KIF26B: variants seen among roughly 807,000 people sequenced by gnomAD.
KIF26B encodes kinesin-like protein KIF26B.
A neutral mutation model predicts 151.2 loss-of-function variants in KIF26B; 63 were observed. The observed-to-expected ratio is 0.42, with a 90% CI of 0.34 to 0.51. The LOEUF (loss-of-function observed/expected upper bound fraction) is 0.51. Among genes scored for constraint, KIF26B ranks in the 20% least tolerant of loss-of-function variants. The probability of loss-of-function intolerance (pLI) is 0.07; values close to 1 mark genes in which losing one functional copy is unlikely to be tolerated. For synonymous variants in KIF26B, 1,357 were observed against 1,262.1 expected, an observed-to-expected ratio of 1.08 and a Z score of -1.59; for missense variants, 2,813 against 2,913.6, an observed-to-expected ratio of 0.97 and a Z score of 0.79.
intron 2 of KIF26B, among the ~76,000 whole-genome samples, chr1:245,238,453 T>A (rs913553648): frequency 6.6e-6 from 1 of 152,108 alleles, no homozygotes; most frequent in Admixed American, 6.5e-5. Context: ...TTTCAAATTT[T>A]CCATATCGTG....
At chr1:245,569,724 G>A (rs189192044) in intron 5 of KIF26B, among the ~76,000 whole-genome samples, 1 of 152,066 alleles carries the variant, frequency 6.6e-6, no homozygotes, top group Non-Finnish European at 1.5e-5. Context: ...TCCAGGAGGT[G>A]GAGGTTTCAG....
intron 4 of KIF26B, among the ~76,000 whole-genome samples, chr1:245,529,390 C>T (rs1661310802): frequency 6.6e-6 from 1 of 152,188 alleles, no homozygotes; most frequent in South Asian, 2.1e-4. Context: ...TTATCAGAAA[C>T]AGAGGCAGAG....
At chr1:245,440,577 G>C (rs1410400227) in intron 4 of KIF26B, among the ~76,000 whole-genome samples, 1 of 152,172 alleles carries the variant, frequency 6.6e-6, no homozygotes, top group African/African-American at 2.4e-5. Context: ...GTGTTCGGGA[G>C]CAGATCCCCA....
intron 4 of KIF26B, among the ~76,000 whole-genome samples, chr1:245,482,309 C>T (rs917138374): frequency 2.6e-5 from 4 of 151,548 alleles, no homozygotes; most frequent in Admixed American, 6.6e-5. Flanking sequence ...AAGGTGGTCT[C>T]GAACTCCTGA....
chr1:245,615,795 C>T (rs1458450815), intron 9 of KIF26B, among the ~76,000 whole-genome samples: 2 of 152,220 alleles, frequency 1.3e-5, no homozygotes, highest in African/African-American at 4.8e-5. Context: ...GGGAAAGGAT[C>T]CCGGCCAGAA....
At chr1:245,481,054 T>C (rs1164150847) in intron 4 of KIF26B, among the ~76,000 whole-genome samples, 1 of 151,896 alleles carries the variant, frequency 6.6e-6, no homozygotes, top group East Asian at 1.9e-4. Context: ...CCTTGTAATA[T>C]GCCAGGCACT....
At chr1:245,273,621 C>G (rs139131547) in intron 2 of KIF26B, among the ~76,000 whole-genome samples, 1 of 152,088 alleles carries the variant, frequency 6.6e-6, no homozygotes, top group African/African-American at 2.4e-5. Context: ...AATGTTGTTT[C>G]TGGTTTCTTG....
chr1:245,640,110 C>G (rs1453400450), intron 9 of KIF26B, among the ~76,000 whole-genome samples: 1 of 72,558 alleles, frequency 1.4e-5, no homozygotes, highest in African/African-American at 6.3e-5. Flanking sequence ...CTGTTTAGAT[C>G]TACTAATATT....
At chr1:245,294,581 G>T (rs181267600) in intron 2 of KIF26B, among the ~76,000 whole-genome samples, 2 of 152,188 alleles carry the variant, frequency 1.3e-5, no homozygotes, top group African/African-American at 4.8e-5. Flanking sequence ...TTCTTTTTTG[G>T]TCTAGCTGTA....
In KIF26B at chr1:245,685,398, C is replaced by A; in HGVS notation, c.2422-7C>A. 6.3e-7 allele frequency: 1 copy of A among 1,598,294 alleles called. No homozygotes were observed. The highest frequency in any genetic ancestry group is 8.6e-7 in the Non-Finnish European group (1 of 1,169,312). On this transcript the variant is annotated splice_region_variant and splice_polypyrimidine_tract_variant and intron_variant, in intron 11 of 14. Coordinates refer to ENST00000407071, the MANE Select transcript of KIF26B (RefSeq NM_018012.4). ...GGCCACCACATTAACTGCCGTCTCA[C>A]TCACAGTACACATCCAGCTCGTCCG...
chr1:245,367,218 C>T lies in KIF26B; in HGVS notation c.850C>T (p.Pro284Ser). The T allele has an allele frequency of 6.2e-7, 1 of 1,610,018 alleles. No homozygotes were observed. The highest frequency in any genetic ancestry group is 8.5e-7 in the Non-Finnish European group (1 of 1,178,250). ...SNGAEKKSGS[P>S]THQAKVSLQM... Reference sequence around the variant, plus strand: ...TGGGGCGGAAAAGAAGAGCGGGTCCCCAACCCACCAGGCCAAGGTCAGCCT... The same window carrying T: ...TGGGGCGGAAAAGAAGAGCGGGTCCTCAACCCACCAGGCCAAGGTCAGCCT... Residue 284 changes from proline (P) to serine (S), a missense_variant, in exon 3 of 15, where the codon CCA becomes TCA. Transcript: ENST00000407071. This position sits in a 1 kb window ranked among gnomAD's most constrained non-coding sequence, Gnocchi z 4.2.
chr1:245,186,095 G>A (rs1272708840), intron 2 of KIF26B, among the ~76,000 whole-genome samples: 3 of 152,038 alleles, frequency 2.0e-5, no homozygotes, highest in Admixed American at 6.6e-5. Context: ...GGCTGGTCTC[G>A]AACCCCTTAC....
rs189335792 is a variant in KIF26B at position 245,366,299 on chromosome 1, G to A, written c.466-535G>A. On this transcript the variant is annotated intron_variant, in intron 2 of 14. Coordinates refer to ENST00000407071, the MANE Select transcript of KIF26B (RefSeq NM_018012.4). ...TGTAATCCCAGCACTTTGGGAGGCC[G>A]AGGCGGGTGGATCACGAGGTCAGGA... is the stretch of plus-strand genomic sequence containing the variant. Among the ~76,000 whole-genome samples the A allele has an allele frequency of 2.5e-3, 384 of 152,268 alleles. 3 individuals carry two copies. Among genetic ancestry groups the A allele is most frequent in the Middle Eastern group, 0.01 (3 of 294 alleles).
rs78054027 is a variant in KIF26B at position 245,447,421 on chromosome 1, C to A, written c.1166+27676C>A. Among the ~76,000 whole-genome samples, 729 of 152,270 alleles carry A rather than the reference C, an allele frequency of 4.8e-3. 10 individuals carry two copies. Among genetic ancestry groups the A allele is most frequent in the African/African-American group, 0.017 (694 of 41,556 alleles). ...TGGTCTGAATGTTGGTGTGCCCCTA[C>A]AATTCCCATATGGGAAACTTGATCT... On this transcript the variant is annotated intron_variant, in intron 4 of 14. Coordinates refer to ENST00000407071, the MANE Select transcript of KIF26B (RefSeq NM_018012.4).
chr1:245,535,777 A>G (rs994348297), intron 4 of KIF26B, among the ~76,000 whole-genome samples: 2 of 152,226 alleles, frequency 1.3e-5, no homozygotes, highest in African/African-American at 4.8e-5. Flanking sequence ...AATACAGGAC[A>G]CATAGGCCTA....
chr1:245,282,816 A>T (rs367824204), intron 2 of KIF26B: 2 of 35,172 alleles, frequency 5.7e-5, no homozygotes, highest in South Asian at 5.5e-4. Flanking sequence ...CCGCTCCTTT[A>T]AAAAAAAAGA....
chr1:245,166,264 CTTCCTTCCCTCT>C lies in KIF26B; in HGVS notation c.465+9590_465+9601del, dbSNP rs1668612865. On this transcript the variant is annotated intron_variant, in intron 2 of 14. Coordinates refer to ENST00000407071, the MANE Select transcript of KIF26B (RefSeq NM_018012.4). The surrounding 1 kb of genome is among the most constrained non-coding windows in gnomAD (Gnocchi z 4.5). ...GATTCCTACCCTCCTTCCTTCCCTC[CTTCCTTCCCTCT>C]TTCCTTCCTTTTTTCCTTCCTTCCT... 1.3e-5 allele frequency among the ~76,000 whole-genome samples: 2 copies of C among 152,302 alleles called. No homozygotes were observed. The highest frequency in any genetic ancestry group is 4.8e-5 in the African/African-American group (2 of 41,572).
At chr1:245,274,260 AC>A (rs1255473458) in intron 2 of KIF26B, among the ~76,000 whole-genome samples, 3 of 152,038 alleles carry the variant, frequency 2.0e-5, no homozygotes, top group Non-Finnish European at 4.4e-5. Flanking sequence ...GTTCTGGGAT[AC>A]ATGTGCAGAA....
chr1:245,370,945 G>A (rs1673104533), intron 3 of KIF26B, among the ~76,000 whole-genome samples: 1 of 152,198 alleles, frequency 6.6e-6, no homozygotes, highest in African/African-American at 2.4e-5. Flanking sequence ...TGAGGTCCTT[G>A]CAGTGGGACA....
Sources: allele counts gnomAD v4.1 joint callset (sites outside exome capture counted in the v4.1 genomes callset), GRCh38; gene constraint gnomAD v4.1.1; non-coding constraint Gnocchi (gnomAD v3.1); transcripts MANE v1.5; gene names NCBI Gene and HGNC (gene_info 2026-07-23, HGNC 2026-07-21).